SEC13: variants seen among roughly 807,000 people sequenced by gnomAD.
SEC13 encodes the protein SEC13 homolog, nuclear pore and COPII component, also known as protein SEC13 homolog.
In SEC13, 25 loss-of-function variants were observed where a neutral mutation model predicts 49.2. The observed-to-expected ratio is 0.51, with a 90% CI of 0.37 to 0.71. The LOEUF is 0.71. SEC13 is among the 30% of genes least tolerant of loss of function. The pLI is 0.00. For missense variants in SEC13, 383 were observed against 417.6 expected, an observed-to-expected ratio of 0.92 and a Z score of 0.72; for synonymous variants, 148 against 163.9, an observed-to-expected ratio of 0.90 and a Z score of 0.74.
rs1419156874 is a variant in SEC13 at position 10,311,978 on chromosome 3, T to C, written c.437A>G (p.Asn146Ser). 1 of 1,614,210 alleles carries C rather than the reference T, an allele frequency of 6.2e-7. No homozygotes were observed. ...GEGQWEVKKI[N>S]NAHTIGCNAV... ...GGATGGACTCACGGTGTGAGCGTTG[T>C]TGATCTTCTTTACTTCCCATTGGCC... The change falls in exon 5 of 9, where the codon AAC becomes AGC. Residue 146 changes from asparagine (N) to serine (S), a missense_variant. By Grantham distance (46) the Asn-to-Ser change is conservative (BLOSUM62 1). Coordinates refer to ENST00000350697, the MANE Select transcript of SEC13 (RefSeq NM_183352.3).
At chr3:10,306,080 C>G (rs1345825168) in intron 5 of SEC13, among the ~76,000 whole-genome samples, 1 of 152,162 alleles carries the variant, frequency 6.6e-6, no homozygotes, top group Non-Finnish European at 1.5e-5. Flanking sequence ...TCACAGCTCC[C>G]TCTTCCACTA....
chr3:10,312,699 C>G lies in SEC13; in HGVS notation c.196G>C (p.Ala66Pro). The change falls in exon 4 of 9, where the codon GCT becomes CCT. Residue 66 changes from alanine to proline, a missense_variant. Coordinates refer to ENST00000350697, the MANE Select transcript of SEC13 (RefSeq NM_183352.3). ...HEGPVWQVAW[A>P]HPMYGNILAS... ...AGGATGTTGCCGTACATGGGGTGAGCCCAGGCCACTTGCCACACAGGACCC... is the reference window on the plus strand; with the variant it reads ...AGGATGTTGCCGTACATGGGGTGAGGCCAGGCCACTTGCCACACAGGACCC... 1 of 1,614,138 alleles carries G rather than the reference C, an allele frequency of 6.2e-7. No individual in the cohort carries two copies.
In SEC13 at chr3:10,301,028, G is replaced by T. The variant is rs2125234257; in HGVS notation, c.*233C>A. 6.5e-7 allele frequency: 1 copy of T among 1,542,194 alleles called. No individual in the cohort carries two copies. The highest frequency in any genetic ancestry group is 1.2e-5 in the South Asian group (1 of 86,554). On this transcript the variant is annotated 3_prime_UTR_variant, in exon 9 of 9. Transcript: ENST00000350697. ...CATAAAAATGACCCAAAATAGATTTGAACATCACTTGTAGTTTCTTCCTCG... is the reference window on the plus strand; with the variant it reads ...CATAAAAATGACCCAAAATAGATTTTAACATCACTTGTAGTTTCTTCCTCG...
At position 10,305,111 on chromosome 3, in the gene SEC13, C is replaced by A; in HGVS notation, c.630G>T (p.Ala210=). ...CCACATCTCGAACCCAGTCACTGTG[C>A]GCTTCTAGCTTCTGCTCCTCCTTCC... ...GQWKEEQKLE[A]HSDWVRDVAW... Residue 210 remains alanine, a synonymous_variant, in exon 7 of 9, where the codon GCG becomes GCT. Coordinates refer to ENST00000350697, the MANE Select transcript of SEC13 (RefSeq NM_183352.3). 1 of 1,613,966 alleles carries A rather than the reference C, an allele frequency of 6.2e-7. No homozygotes were observed.
rs750008246 is a variant in SEC13 at position 10,318,022 on chromosome 3, C to G, written c.48+28G>C. On this transcript the variant is annotated intron_variant, in intron 2 of 8. Coordinates refer to ENST00000350697, the MANE Select transcript of SEC13 (RefSeq NM_183352.3). ...CACAAAAATGCCCATGTCCACACCC[C>G]TCCAGGGAGGGTGATATTAATACTT... is the stretch of plus-strand genomic sequence containing the variant. The G allele has an allele frequency of 6.4e-6, 10 of 1,555,380 alleles. No homozygotes were observed. In the African/African-American group the frequency reaches 9.5e-5, roughly 15 times the overall value.
chr3:10,308,783 T>C lies in SEC13; in HGVS notation c.451-3091A>G, dbSNP rs1490606931. Among the ~76,000 whole-genome samples, 4 of 139,818 alleles carry C rather than the reference T, an allele frequency of 2.9e-5. No homozygotes were observed. In the East Asian group the frequency reaches 8.5e-4, roughly 30 times the overall value. 91.7% of individuals were successfully genotyped at this position (139,818 alleles called of 152,430 possible). On this transcript the variant is annotated intron_variant, in intron 5 of 8. Transcript: ENST00000350697. ...AATTATATCTTTTTGTTGGTGATGC[T>C]GAGTTGAATTTTTTTTTTTTTTTTT...
At chr3:10,315,794 C>T (rs1319851734) in intron 2 of SEC13, among the ~76,000 whole-genome samples, 2 of 152,138 alleles carry the variant, frequency 1.3e-5, no homozygotes, top group Non-Finnish European at 2.9e-5. Flanking sequence ...TTCTTAGGCT[C>T]TGTGGGCTAA....
chr3:10,317,259 A>AGGTC (rs1701665354), intron 2 of SEC13, among the ~76,000 whole-genome samples: 1 of 152,154 alleles, frequency 6.6e-6, no homozygotes, highest in Admixed American at 6.5e-5. Context: ...TCTTACAGCT[A>AGGTC]GACCACTCAT....
chr3:10,310,798 C>CT (rs1332840543), intron 5 of SEC13, among the ~76,000 whole-genome samples: 1 of 152,186 alleles, frequency 6.6e-6, no homozygotes, highest in Non-Finnish European at 1.5e-5. Flanking sequence ...CAGCATTATT[C>CT]ATAAGGCCGA....
At chr3:10,319,795 AAGGCG>A (rs1559503183) in intron 1 of SEC13, among the ~76,000 whole-genome samples, 4 of 2,344 alleles carry the variant, frequency 1.7e-3, no homozygotes, top group Admixed American at 0.015. Flanking sequence ...AGAGAGAGAG[AAGGCG>A]GGGGGGGGGG....
chr3:10,320,976 G>A, intron 1 of SEC13, 74 bp downstream of exon 1: 2 of 1,598,574 alleles, frequency 1.3e-6, no homozygotes, highest in Non-Finnish European at 8.5e-7. Flanking sequence ...TTGGGACTCA[G>A]GACGGCCGAG....
chr3:10,304,945 C>A, intron 7 of SEC13, 88 bp downstream of exon 7: 1 of 1,595,200 alleles, frequency 6.3e-7, no homozygotes, highest in Non-Finnish European at 8.5e-7. Flanking sequence ...CCTTTACCTT[C>A]CCAGAGGACT....
At chr3:10,314,132 TTGA>T (rs1701457704) in intron 3 of SEC13, among the ~76,000 whole-genome samples, 1 of 152,184 alleles carries the variant, frequency 6.6e-6, no homozygotes, top group African/African-American at 2.4e-5. Context: ...CTTTTTTTTT[TTGA>T]GAAGGGTTTC....
intron 5 of SEC13, among the ~76,000 whole-genome samples, chr3:10,310,040 T>C (rs367943124): frequency 5.7e-4 from 82 of 144,064 alleles, no homozygotes; most frequent in African/African-American, 2.1e-3. Flanking sequence ...CTCTGGAGGA[T>C]CACAGAGCTC....
At chr3:10,313,470 A>G (rs1275869629) in intron 3 of SEC13, 1 of 529,452 alleles carries the variant, frequency 1.9e-6, no homozygotes, top group South Asian at 1.4e-5. Context: ...GAATTCTTTC[A>G]TAAAGTTTGG....
chr3:10,319,896 G>T (rs2059742902), intron 1 of SEC13, among the ~76,000 whole-genome samples: 1 of 112,954 alleles, frequency 8.9e-6, no homozygotes, highest in Admixed American at 8.7e-5. Flanking sequence ...AGGAAGGGGG[G>T]AGGAAGAGGG....
intron 3 of SEC13, chr3:10,313,546 G>A (rs1484377119): frequency 7.3e-6 from 3 of 410,016 alleles, no homozygotes; most frequent in African/African-American, 2.0e-5. Flanking sequence ...TGCTGCTCCT[G>A]GTTTACTCCT....
intron 2 of SEC13, 36 bp from the exon 3 acceptor site, chr3:10,315,472 TGG>T: frequency 5.0e-4 from 1 of 1,982 alleles, no homozygotes; most frequent in South Asian, 4.0e-3. Flanking sequence ...GCCTGCAGGC[TGG>T]GTGGGTGGGT....
intron 5 of SEC13, among the ~76,000 whole-genome samples, chr3:10,309,177 A>G (rs532630788): frequency 1.3e-5 from 2 of 151,912 alleles, no homozygotes; most frequent in African/African-American, 2.4e-5. Context: ...ACTTCAGGTG[A>G]TCCGCCCACC....
Sources: gnomAD v4.1 joint callset for allele counts (sites outside exome capture counted in the v4.1 genomes callset) on GRCh38, gnomAD v4.1.1 for gene constraint, MANE v1.5 for transcripts, NCBI Gene and HGNC (gene_info 2026-07-23, HGNC 2026-07-21) for gene names.